Variants in MAP2K5 observed in about 807,000 individuals in gnomAD.
MAP2K5 encodes dual specificity mitogen-activated protein kinase kinase 5.
MAP2K5 carries 49 observed loss-of-function variants against 83.1 expected under a neutral mutation model. That is an observed-to-expected ratio of 0.59 (90% CI 0.47 to 0.75). The LOEUF (loss-of-function observed/expected upper bound fraction) is 0.75, where lower values mean the gene tolerates loss of function less well. MAP2K5 is among the 30% of genes least tolerant of loss of function. The pLI, the probability that MAP2K5 is intolerant of heterozygous loss-of-function variation, is 0.00. For missense variants in MAP2K5, 457 were observed against 557.5 expected, an observed-to-expected ratio of 0.82 and a Z score of 1.82; for synonymous variants, 202 against 191.8, an observed-to-expected ratio of 1.05 and a Z score of -0.44.
rs746111890 is a variant in MAP2K5, at chr15:67,586,843, T to C, written c.364-3T>C. 16 of 1,613,812 alleles carry C rather than the reference T, an allele frequency of 9.9e-6. No individual in the cohort carries two copies. The highest frequency in any genetic ancestry group is 1.6e-4 in the Middle Eastern group (1 of 6,062). ...CTGATCAAGATTCTTTCTTTACTTA[T>C]AGGTGAATACTCGGGCCGGACCCTC... On this transcript the variant is annotated splice_region_variant and splice_polypyrimidine_tract_variant and intron_variant, in intron 5 of 21. Coordinates refer to ENST00000178640, the MANE Select transcript of MAP2K5 (RefSeq NM_145160.3).
At chr15:67,765,067 T>C (rs1010422196) in intron 19 of MAP2K5, among the ~76,000 whole-genome samples, 3 of 152,190 alleles carry the variant, frequency 2.0e-5, no homozygotes, top group Admixed American at 6.5e-5. Context: ...CTCGTAAGTA[T>C]AGTACAGTAT....
Position 67,782,095 on chromosome 15 carries a change from C to A in MAP2K5, c.1242+9343C>A, listed in dbSNP as rs779129149. Among the ~76,000 whole-genome samples the A allele has an allele frequency of 2.6e-5, 4 of 152,154 alleles. No homozygotes were observed. Among genetic ancestry groups the A allele is most frequent in the Non-Finnish European group, 5.9e-5 (4 of 68,036 alleles). On this transcript the variant is annotated intron_variant, in intron 21 of 21. Transcript: ENST00000178640. The surrounding 1 kb of genome is among the most constrained non-coding windows in gnomAD (Gnocchi z 4.9). ...TGGAGCAGCAGTCATTGTGGAAGAGCCTTTTAGCACCTTTGTTGTAGCCAT... is the reference window on the plus strand; with the variant it reads ...TGGAGCAGCAGTCATTGTGGAAGAGACTTTTAGCACCTTTGTTGTAGCCAT...
chr15:67,580,397 T>C (rs749422004), intron 3 of MAP2K5, among the ~76,000 whole-genome samples: 1 of 152,198 alleles, frequency 6.6e-6, no homozygotes, highest in African/African-American at 2.4e-5. Flanking sequence ...GCTTCTTCAT[T>C]TTGCTTTGCA....
At chr15:67,590,444 TCC>T (rs1491213801) in intron 6 of MAP2K5, among the ~76,000 whole-genome samples, 8 of 58,388 alleles carry the variant, frequency 1.4e-4, no homozygotes, top group African/African-American at 3.3e-4. Flanking sequence ...TCTCCCTCCC[TCC>T]CTCTCTCTCT....
chr15:67,549,142 G>A (rs2084457730), intron 1 of MAP2K5: 1 of 1,535,608 alleles, frequency 6.5e-7, no homozygotes, highest in East Asian at 2.4e-5. Flanking sequence ...AGCTCCTGGA[G>A]AGAAATGAGG....
At chr15:67,557,875 T>G (rs4420481) in intron 2 of MAP2K5, among the ~76,000 whole-genome samples, 44,435 of 151,994 alleles carry the variant, frequency 0.29, 7,102 homozygotes, top group African/African-American at 0.42. Context: ...TATGTAAAAA[T>G]ATAAAGGGTC....
At chr15:67,549,636 G>A (rs1225927962) in intron 1 of MAP2K5, among the ~76,000 whole-genome samples, 1 of 152,156 alleles carries the variant, frequency 6.6e-6, no homozygotes, top group South Asian at 2.1e-4. Flanking sequence ...GCTCAGAGAG[G>A]TTAGGTGATT....
intron 21 of MAP2K5, among the ~76,000 whole-genome samples, chr15:67,784,796 G>A (rs1288635072): frequency 3.9e-5 from 6 of 152,152 alleles, no homozygotes; most frequent in Admixed American, 6.5e-5. Flanking sequence ...TGCCATCATG[G>A]GTATAGAAAT....
Position 67,777,989 on chromosome 15 carries a change from C to A in MAP2K5, c.1242+5237C>A, listed in dbSNP as rs1355594190. 6.6e-6 allele frequency among the ~76,000 whole-genome samples: 1 copy of A among 152,194 alleles called. No homozygotes were observed. The highest frequency in any genetic ancestry group is 6.5e-5 in the Admixed American group (1 of 15,282). ...GCATGGGTCCTAGAAGGCGGGGTATCAGTTAAAATCAGAATAGCGCTCTTG... is the reference window on the plus strand; with the variant it reads ...GCATGGGTCCTAGAAGGCGGGGTATAAGTTAAAATCAGAATAGCGCTCTTG... On this transcript the variant is annotated intron_variant, in intron 21 of 21. Transcript: ENST00000178640. This position sits in a 1 kb window ranked among gnomAD's most constrained non-coding sequence, Gnocchi z 6.0.
rs1292352691 is a variant in MAP2K5 at position 67,665,923 on chromosome 15, T to C, written c.847+1278T>C. Among the ~76,000 whole-genome samples the C allele has an allele frequency of 6.6e-6, 1 of 152,156 alleles. No homozygotes were observed. Among genetic ancestry groups the C allele is most frequent in the Admixed American group, 6.5e-5 (1 of 15,268 alleles). Reference sequence around the variant, plus strand: ...GTATTCAACATGATATAACTTATATTGTTTCTATTCCCTGTACTCCTACCT... The same window carrying C: ...GTATTCAACATGATATAACTTATATCGTTTCTATTCCCTGTACTCCTACCT... On this transcript the variant is annotated intron_variant, in intron 13 of 21. Transcript: ENST00000178640. The surrounding 1 kb of genome is among the most constrained non-coding windows in gnomAD (Gnocchi z 4.2).
chr15:67,799,166 C>T (rs1335655720), intron 21 of MAP2K5, among the ~76,000 whole-genome samples: 1 of 152,212 alleles, frequency 6.6e-6, no homozygotes, highest in Admixed American at 6.5e-5. Flanking sequence ...GAGACTCCGT[C>T]TCAAAATAAA....
intron 15 of MAP2K5, among the ~76,000 whole-genome samples, chr15:67,697,998 C>T (rs2088309487): frequency 6.6e-6 from 1 of 152,022 alleles, no homozygotes; most frequent in Non-Finnish European, 1.5e-5. Context: ...GAGACTGAGA[C>T]CTGGAAAAGT....
Position 67,543,171 on chromosome 15 carries a change from C to G in MAP2K5, c.-165C>G. 1.5e-6 allele frequency: 1 copy of G among 677,164 alleles called. No homozygotes were observed. Among genetic ancestry groups the G allele is most frequent in the African/African-American group, 1.8e-5 (1 of 55,692 alleles). 41.9% of individuals were successfully genotyped at this position (677,164 alleles called of 1,614,324 possible). On this transcript the variant is annotated 5_prime_UTR_variant, in exon 1 of 22. Transcript: ENST00000178640. This position sits in a 1 kb window ranked among gnomAD's most constrained non-coding sequence, Gnocchi z 4.3. Reference sequence around the variant, plus strand: ...TGGGCAGGCTCGGTGCCTGCGGGTGCGTTCCTGATCACCCCTCCCCTCTTC... The same window carrying G: ...TGGGCAGGCTCGGTGCCTGCGGGTGGGTTCCTGATCACCCCTCCCCTCTTC...
intron 13 of MAP2K5, among the ~76,000 whole-genome samples, chr15:67,669,428 A>G (rs1346688361): frequency 1.3e-5 from 2 of 151,976 alleles, no homozygotes; most frequent in African/African-American, 4.8e-5. Context: ...GAAAGGGGAG[A>G]GTTACTAGTC....
chr15:67,622,607 G>A (rs548465393), intron 8 of MAP2K5, among the ~76,000 whole-genome samples: 1 of 151,902 alleles, frequency 6.6e-6, no homozygotes, highest in Middle Eastern at 3.4e-3. Context: ...CATTTATGAA[G>A]TGAGGAGCAC....
intron 19 of MAP2K5, among the ~76,000 whole-genome samples, chr15:67,751,368 A>T (rs966120551): frequency 2.6e-5 from 4 of 152,180 alleles, no homozygotes; most frequent in African/African-American, 9.7e-5. Flanking sequence ...GGTATAAGTG[A>T]CAGCTTGAAG....
intron 9 of MAP2K5, chr15:67,641,739 TC>T: frequency 2.2e-6 from 1 of 445,304 alleles, no homozygotes; most frequent in South Asian, 9.3e-5. Context: ...ATTTAGCACT[TC>T]CTAAGGAGAA....
rs1305928546 is a variant in MAP2K5, at chr15:67,677,620, C to T, written c.847+12975C>T. Among the ~76,000 whole-genome samples the T allele has an allele frequency of 1.3e-5, 2 of 152,206 alleles. No homozygotes were observed. The highest frequency in any genetic ancestry group is 2.9e-5 in the Non-Finnish European group (2 of 68,034). ...GTTTTATAGTCAAGAGGAGTCTTAA[C>T]AGTCAGTGGTATCTTAGACTTGGGG... On this transcript the variant is annotated intron_variant, in intron 13 of 21. Coordinates refer to ENST00000178640, the MANE Select transcript of MAP2K5 (RefSeq NM_145160.3). The surrounding 1 kb of genome is among the most constrained non-coding windows in gnomAD (Gnocchi z 4.2).
chr15:67,624,980 G>A (rs919029539), intron 8 of MAP2K5, among the ~76,000 whole-genome samples: 2 of 152,184 alleles, frequency 1.3e-5, no homozygotes, highest in South Asian at 2.1e-4. Context: ...ATATTCTGTC[G>A]CGGCTCGTCT....
Sources: gnomAD v4.1 joint callset for allele counts (sites outside exome capture counted in the v4.1 genomes callset) on GRCh38, gnomAD v4.1.1 for gene constraint, Gnocchi (gnomAD v3.1) non-coding constraint, MANE v1.5 for transcripts, NCBI Gene and HGNC (gene_info 2026-07-23, HGNC 2026-07-21) for gene names.